UNG: variants seen among roughly 807,000 people sequenced by gnomAD.
The protein encoded by UNG is uracil DNA glycosylase.
UNG carries 34 observed loss-of-function variants against 36.5 expected under a neutral mutation model. The observed-to-expected ratio is 0.93, with a 90% CI of 0.71 to 1.24. The LOEUF (loss-of-function observed/expected upper bound fraction) is 1.24, where lower values mean the gene tolerates loss of function less well. Ranked by LOEUF, UNG falls within the 50% of genes most tolerant of loss-of-function variation. The probability of loss-of-function intolerance (pLI) is 0.00; values close to 1 mark genes in which losing one functional copy is unlikely to be tolerated. For synonymous variants in UNG, 172 were observed against 157.8 expected, an observed-to-expected ratio of 1.09 and a Z score of -0.67; for missense variants, 391 against 397.6, an observed-to-expected ratio of 0.98 and a Z score of 0.14.
chr12:109,099,837 G>A (rs2042163812), intron 3 of UNG, among the ~76,000 whole-genome samples: 1 of 152,176 alleles, frequency 6.6e-6, no homozygotes, highest in South Asian at 2.1e-4. Flanking sequence ...AGCACTTTCG[G>A]AGGCCAAAGT....
At chr12:109,108,026 TG>T (rs2042230728) in intron 6 of UNG, among the ~76,000 whole-genome samples, 1 of 152,230 alleles carries the variant, frequency 6.6e-6, no homozygotes. Context: ...GAAATTATTT[TG>T]CATTTTGTTC....
chr12:109,106,890 C>T (rs76465568), intron 6 of UNG, among the ~76,000 whole-genome samples: 22 of 346 alleles, frequency 0.064, 1 homozygote, highest in African/African-American at 0.17. Context: ...TATATATATA[C>T]ACATATATAT....
In UNG at chr12:109,103,439, T is replaced by C. The variant is rs776102697; in HGVS notation, c.629T>C (p.Leu210Pro). Reference protein sequence around the residue: ...DLSGWAKQGVLLLNAVLTVRA... With the variant: ...DLSGWAKQGVPLLNAVLTVRA... ...GTTTCTCTCATGTGTATAGGTGTTC[T>C]CCTTCTCAACGCTGTCCTCACGGTT... is the stretch of plus-strand genomic sequence containing the variant. Residue 210 changes from leucine to proline, a missense_variant, in exon 6 of 7, where the codon CTC (leucine) becomes CCC (proline). Transcript: ENST00000242576. 2.5e-6 allele frequency: 4 copies of C among 1,614,012 alleles called. No individual in the cohort carries two copies. In the African/African-American group the frequency reaches 5.3e-5, roughly 22 times the overall value.
At chr12:109,098,111 T>A (rs1787138185) in intron 1 of UNG, 1 of 1,362,636 alleles carries the variant, frequency 7.3e-7, no homozygotes, top group Admixed American at 3.3e-5. Flanking sequence ...GGAGGTTTTT[T>A]GCCGCGAAAA....
chr12:109,101,814 T>C (rs2042180106), intron 3 of UNG, 88 bp from the exon 4 acceptor site: 1 of 1,146,294 alleles, frequency 8.7e-7, no homozygotes. Flanking sequence ...AGAAGTGTTT[T>C]ATTTGTTTTG....
chr12:109,100,392 A>C (rs563946435), intron 3 of UNG, among the ~76,000 whole-genome samples: 5 of 152,302 alleles, frequency 3.3e-5, no homozygotes, highest in Non-Finnish European at 5.9e-5. Flanking sequence ...TGGGGCAAGA[A>C]TCTTGTGATT....
chr12:109,098,316 C>T, intron 1 of UNG, 116 bp from the exon 2 acceptor site: 1 of 1,596,266 alleles, frequency 6.3e-7, no homozygotes. Flanking sequence ...TTGCTGGGAC[C>T]TGTTCCACAA....
At chr12:109,106,286 G>T (rs1377532763) in intron 6 of UNG, among the ~76,000 whole-genome samples, 1 of 152,132 alleles carries the variant, frequency 6.6e-6, no homozygotes, top group Non-Finnish European at 1.5e-5. Context: ...CTGTGGTACA[G>T]CTACTGAGGG....
chr12:109,102,393 G>T (rs1006186133), intron 4 of UNG, among the ~76,000 whole-genome samples: 32 of 151,992 alleles, frequency 2.1e-4, no homozygotes, highest in Admixed American at 2.1e-3. Context: ...CAGGAGAATC[G>T]CTGGATCCCG....
At position 109,097,724 on chromosome 12, in the gene UNG, C is replaced by A; in HGVS notation, c.45C>A (p.Pro15=). The change falls in exon 1 of 7, where the codon CCC becomes CCA. Residue 15 remains proline (P), a synonymous_variant. Transcript: ENST00000242576. ...KTLYSFFSPS[P]ARKRHAPSPE... Reference sequence around the variant, plus strand: ...TCTACTCCTTTTTCTCCCCCAGCCCCGCCAGGAAGCGACACGCCCCCAGCC... The same window carrying A: ...TCTACTCCTTTTTCTCCCCCAGCCCAGCCAGGAAGCGACACGCCCCCAGCC... The A allele has an allele frequency of 6.3e-7, 1 of 1,591,024 alleles. No individual in the cohort carries two copies. The highest frequency in any genetic ancestry group is 1.1e-5 in the South Asian group (1 of 88,318).
At chr12:109,100,121 T>C (rs543471660) in intron 3 of UNG, among the ~76,000 whole-genome samples, 1 of 152,082 alleles carries the variant, frequency 6.6e-6, no homozygotes, top group African/African-American at 2.4e-5. Flanking sequence ...GCAACCCTCT[T>C]TAAATAGGGC....
At position 109,098,229 on chromosome 12, in the gene UNG, C is replaced by G. The variant is rs3219209; in HGVS notation, c.133-203C>G. ...GGGAAGCCATAGGGCGCCTCCCAGC[C>G]CGTCTCCCCGCTCCAGTTTAGAACC... On this transcript the variant is annotated intron_variant, in intron 1 of 6. Coordinates refer to ENST00000242576, the MANE Select transcript of UNG (RefSeq NM_080911.3). 7.2e-4 allele frequency: 1,068 copies of G among 1,481,014 alleles called. 8 individuals are homozygous for G. The African/African-American group carries it at 0.014, about 19-fold the overall frequency. 91.7% of individuals were successfully genotyped at this position (1,481,014 alleles called of 1,614,324 possible).
At chr12:109,099,591 C>G in intron 3 of UNG, among the ~76,000 whole-genome samples, 1 of 150,870 alleles carries the variant, frequency 6.6e-6, no homozygotes, top group Non-Finnish European at 1.5e-5. Context: ...AACTGACACA[C>G]AAAGCAGTTA....
intron 6 of UNG, among the ~76,000 whole-genome samples, chr12:109,109,232 TC>T (rs1260420233): frequency 1.6e-4 from 24 of 152,110 alleles, no homozygotes; most frequent in Non-Finnish European, 2.9e-4. Flanking sequence ...GCAAATACAG[TC>T]TTAGCAGTGG....
intron 6 of UNG, among the ~76,000 whole-genome samples, chr12:109,104,701 G>C (rs1008654828): frequency 6.6e-6 from 1 of 152,252 alleles, no homozygotes; most frequent in East Asian, 1.9e-4. Flanking sequence ...GGAGAGATAG[G>C]GGGTGGGAAG....
chr12:109,100,764 G>C (rs2042169962), intron 3 of UNG, among the ~76,000 whole-genome samples: 1 of 152,224 alleles, frequency 6.6e-6, no homozygotes, highest in Admixed American at 6.5e-5. Context: ...GGCATGGTGT[G>C]AACACCAAGG....
At chr12:109,101,850 G>A (rs1302718191) in intron 3 of UNG, 52 bp from the exon 4 acceptor site, 1 of 1,492,698 alleles carries the variant, frequency 6.7e-7, no homozygotes, top group South Asian at 1.1e-5. Context: ...GGCAGGGTCT[G>A]TGCTGCTTAC....
At chr12:109,098,212 A>T in intron 1 of UNG, 1 of 1,455,906 alleles carries the variant, frequency 6.9e-7, no homozygotes, top group Non-Finnish European at 9.0e-7. Flanking sequence ...TCGGGAAGCC[A>T]TAGGGCGCCT....
chr12:109,098,371 G>A (rs1241804029), intron 1 of UNG, 61 bp from the exon 2 acceptor site: 1 of 1,602,510 alleles, frequency 6.2e-7, no homozygotes, highest in Non-Finnish European at 8.5e-7. Context: ...GCCGGAAGCT[G>A]CGGACGCCTG....
Sources: allele counts gnomAD v4.1 joint callset (sites outside exome capture counted in the v4.1 genomes callset), GRCh38; gene constraint gnomAD v4.1.1; transcripts MANE v1.5; gene names NCBI Gene and HGNC (gene_info 2026-07-23, HGNC 2026-07-21).